EYS: variants seen among roughly 807,000 people sequenced by gnomAD.
EYS encodes EGF-like photoreceptor maintenance factor.
In EYS, 250 loss-of-function variants were observed where a neutral mutation model predicts 282.1. The ratio of observed to expected loss-of-function variants is 0.89; its 90% CI spans 0.80 to 0.98. The LOEUF is 0.98. Among genes scored for constraint, EYS ranks in the 50% least tolerant of loss-of-function variants. The pLI is 0.00. For missense variants in EYS, 4,016 were observed against 3,709.0 expected (o/e 1.08, Z -2.15); for synonymous variants, 1,355 against 1,282.9 (o/e 1.06, Z -1.20).
chr6:65,472,375 T>A (rs979254613), intron 5 of EYS, among the ~76,000 whole-genome samples: 4 of 152,060 alleles, frequency 2.6e-5, no homozygotes, highest in Admixed American at 1.3e-4. Flanking sequence ...TGTTTTATAA[T>A]TATTTTGCAA....
At chr6:65,099,384 A>G (rs1774830295) in intron 12 of EYS, among the ~76,000 whole-genome samples, 1 of 150,854 alleles carries the variant, frequency 6.6e-6, no homozygotes, top group African/African-American at 2.4e-5. Context: ...ATTCTTTGAT[A>G]AACAGCAGGG....
intron 8 of EYS, among the ~76,000 whole-genome samples, chr6:65,362,999 T>C (rs1208617416): frequency 6.6e-6 from 1 of 152,078 alleles, no homozygotes; most frequent in African/African-American, 2.4e-5. Context: ...AATGATCTGA[T>C]TGCATTTAGT....
At chr6:64,814,228 T>C (rs984190602) in intron 21 of EYS, among the ~76,000 whole-genome samples, 13 of 152,108 alleles carry the variant, frequency 8.5e-5, no homozygotes, top group Non-Finnish European at 1.0e-4. Flanking sequence ...GGAATCTGGA[T>C]AATACCTGTT....
chr6:64,904,874 T>C (rs1323480299), intron 16 of EYS, among the ~76,000 whole-genome samples: 2 of 152,150 alleles, frequency 1.3e-5, no homozygotes, highest in African/African-American at 2.4e-5. Context: ...TGTTACCAGC[T>C]AGCAACATAT....
chr6:64,866,302 A>G (rs1766423331), intron 19 of EYS, among the ~76,000 whole-genome samples: 1 of 151,946 alleles, frequency 6.6e-6, no homozygotes, highest in Non-Finnish European at 1.5e-5. Flanking sequence ...CAGTCCTACT[A>G]CAGTTGATTA....
intron 36 of EYS, among the ~76,000 whole-genome samples, chr6:63,814,215 C>T (rs1432992038): frequency 6.6e-6 from 1 of 152,158 alleles, no homozygotes; most frequent in Non-Finnish European, 1.5e-5. Context: ...TGGCAACCTA[C>T]AAATGTGATT....
intron 22 of EYS, among the ~76,000 whole-genome samples, chr6:64,662,447 A>T (rs1231522305): frequency 6.6e-6 from 1 of 152,120 alleles, no homozygotes; most frequent in Non-Finnish European, 1.5e-5. Context: ...TCCAGTAGAG[A>T]TGCAAATACT....
At chr6:63,810,192 C>G (rs558166912) in intron 36 of EYS, among the ~76,000 whole-genome samples, 1 of 146,088 alleles carries the variant, frequency 6.8e-6, no homozygotes, top group Non-Finnish European at 1.5e-5. Context: ...ATCCGCGAGA[C>G]GGAGGTTGCA....
intron 8 of EYS, among the ~76,000 whole-genome samples, chr6:65,364,943 G>T (rs1400615838): frequency 6.6e-6 from 1 of 151,466 alleles, no homozygotes; most frequent in Non-Finnish European, 1.5e-5. Flanking sequence ...AACATTTTTG[G>T]TACAATTGCA....
intron 14 of EYS, among the ~76,000 whole-genome samples, chr6:64,954,975 C>A (rs1769645172): frequency 6.6e-6 from 1 of 152,036 alleles, no homozygotes; most frequent in African/African-American, 2.4e-5. Context: ...TCAAGACTAG[C>A]CTGGCCAATA....
intron 26 of EYS, among the ~76,000 whole-genome samples, chr6:64,480,304 A>G (rs1562017969): frequency 6.6e-6 from 1 of 151,902 alleles, no homozygotes; most frequent in Non-Finnish European, 1.5e-5. Flanking sequence ...TAAATTTGTC[A>G]TTAAACAACT....
At chr6:64,673,967 T>G (rs1035414373) in intron 22 of EYS, among the ~76,000 whole-genome samples, 2 of 152,078 alleles carry the variant, frequency 1.3e-5, no homozygotes, top group Non-Finnish European at 2.9e-5. Flanking sequence ...ATTTAAAGAT[T>G]TAAACAAATG....
Position 64,902,401 on chromosome 6 carries a change from T to C in EYS, c.2738+3A>G, listed in dbSNP as rs1395687416. On this transcript the variant is annotated splice_donor_region_variant and intron_variant, in intron 17 of 42. Coordinates refer to ENST00000503581, the MANE Select transcript of EYS (RefSeq NM_001142800.2). The stretch of plus-strand genomic sequence containing the variant: ...ATCTAGATACTTTTTAAGTTTTCTG[T>C]ACCTGAAATTGTTGACCATATCTTC... 6.5e-7 allele frequency: 1 copy of C among 1,534,104 alleles called. No homozygotes were observed. The highest frequency in any genetic ancestry group is 1.4e-5 in the African/African-American group (1 of 72,128).
chr6:64,256,564 A>G (rs1045306821), intron 30 of EYS, among the ~76,000 whole-genome samples: 4 of 152,070 alleles, frequency 2.6e-5, no homozygotes, highest in Non-Finnish European at 5.9e-5. Context: ...TGCAGTGAAA[A>G]AAAGACAAAG....
At chr6:65,179,752 T>A (rs916519895) in intron 12 of EYS, among the ~76,000 whole-genome samples, 8 of 151,648 alleles carry the variant, frequency 5.3e-5, no homozygotes, top group Non-Finnish European at 1.0e-4. Context: ...AGACACAACA[T>A]AAAAAGAGAA....
chr6:64,381,716 G>C (rs933104511), intron 29 of EYS, among the ~76,000 whole-genome samples: 2 of 152,138 alleles, frequency 1.3e-5, no homozygotes, highest in African/African-American at 4.8e-5. Flanking sequence ...TGGTGTATTG[G>C]ATATGTACAT....
At chr6:64,114,292 T>A (rs1056242420) in intron 31 of EYS, among the ~76,000 whole-genome samples, 5 of 152,214 alleles carry the variant, frequency 3.3e-5, no homozygotes, top group Non-Finnish European at 7.3e-5. Flanking sequence ...AAAATTTTAT[T>A]TCTGGTGTTT....
rs1049377788 is a variant in EYS, at chr6:64,850,053, C to T, written c.2993-27231G>A. Among the ~76,000 whole-genome samples the T allele has an allele frequency of 4.0e-5, 6 of 151,792 alleles. No individual in the cohort carries two copies. The East Asian group carries it at 5.8e-4, about 15-fold the overall frequency. ...CTACAATTTTGCTTATTACAGGAGC[C>T]GATATTTTATCTGAAAAAATTGAGA... On this transcript the variant is annotated intron_variant, in intron 19 of 42. Transcript: ENST00000503581.
At chr6:63,925,358 G>T (rs1159582095) in intron 35 of EYS, among the ~76,000 whole-genome samples, 1 of 152,110 alleles carries the variant, frequency 6.6e-6, no homozygotes, top group Admixed American at 6.5e-5. Context: ...CAGAAAATGA[G>T]TATATTTTAC....
Sources: gnomAD v4.1 joint callset for allele counts (sites outside exome capture counted in the v4.1 genomes callset) on GRCh38, gnomAD v4.1.1 for gene constraint, MANE v1.5 for transcripts, NCBI Gene and HGNC (gene_info 2026-07-23, HGNC 2026-07-21) for gene names.